Variants in RAB28 observed in about 807,000 individuals in gnomAD.
RAB28 encodes ras-related protein Rab-28.
A neutral mutation model predicts 31.7 loss-of-function variants in RAB28; 24 were observed. The ratio of observed to expected loss-of-function variants is 0.76; its 90% CI spans 0.55 to 1.06. RAB28 has a LOEUF of 1.06. RAB28 is among the 50% of genes least tolerant of loss of function. RAB28 has a pLI of 0.00. For synonymous variants in RAB28, 100 were observed against 90.4 expected (o/e 1.11, Z -0.60); for missense variants, 254 against 258.5 (o/e 0.98, Z 0.12).
At chr4:13,392,357 T>A (rs1227284571) in intron 4 of RAB28, among the ~76,000 whole-genome samples, 1 of 152,148 alleles carries the variant, frequency 6.6e-6, no homozygotes, top group East Asian at 1.9e-4. Flanking sequence ...AACAGTAAAA[T>A]TTTTTCATAT....
At chr4:13,375,932 A>G (rs1314455593) in intron 6 of RAB28, among the ~76,000 whole-genome samples, 4 of 152,140 alleles carry the variant, frequency 2.6e-5, no homozygotes, top group African/African-American at 9.7e-5. Flanking sequence ...TTGAGCAAAA[A>G]TGTAATTAGT....
intron 3 of RAB28, among the ~76,000 whole-genome samples, chr4:13,472,975 G>A (rs1257125569): frequency 5.3e-5 from 8 of 151,864 alleles, no homozygotes; most frequent in Non-Finnish European, 2.9e-5. Flanking sequence ...TTTTGCAGGA[G>A]ACTAAGAACA....
chr4:13,404,497 T>G (rs1160130133), intron 4 of RAB28, among the ~76,000 whole-genome samples: 2 of 152,132 alleles, frequency 1.3e-5, no homozygotes, highest in Non-Finnish European at 2.9e-5. Flanking sequence ...AATCTAAAAT[T>G]AAACACAAAA....
intron 4 of RAB28, among the ~76,000 whole-genome samples, chr4:13,460,155 T>G (rs931225774): frequency 6.6e-6 from 1 of 152,204 alleles, no homozygotes; most frequent in Non-Finnish European, 1.5e-5. Context: ...AATGTCTCAA[T>G]AAGTCCTCTG....
intron 4 of RAB28, among the ~76,000 whole-genome samples, chr4:13,391,487 G>C (rs1156247114): frequency 6.6e-6 from 1 of 152,196 alleles, no homozygotes; most frequent in African/African-American, 2.4e-5. Context: ...CATTGTGGAA[G>C]ACAGTATGGC....
At chr4:13,444,940 G>T (rs1295266660) in intron 4 of RAB28, among the ~76,000 whole-genome samples, 1 of 151,770 alleles carries the variant, frequency 6.6e-6, no homozygotes, top group African/African-American at 2.4e-5. Flanking sequence ...TGCTAGGTGG[G>T]GAAGGTCTCC....
chr4:13,445,415 T>C (rs767666566), intron 4 of RAB28, among the ~76,000 whole-genome samples: 6 of 152,094 alleles, frequency 3.9e-5, no homozygotes, highest in East Asian at 1.9e-4. Context: ...TGGAGAAGTG[T>C]TGCGATCATT....
rs189432879 is a variant in RAB28 at position 13,433,160 on chromosome 4, G to A, written c.391+27539C>T. Among the ~76,000 whole-genome samples the A allele has an allele frequency of 4.0e-3, 588 of 147,596 alleles. 10 individuals carry two copies. In the East Asian group the frequency reaches 0.04, roughly 10 times the overall value. ...AAAGAAAAAAAAAAAAGAAAAAAAA[G>A]AGCAGGGGTTGCTATTCTTTTATCA... On this transcript the variant is annotated intron_variant, in intron 4 of 6. Transcript: ENST00000330852.
chr4:13,427,487 G>T (rs1713569853), intron 4 of RAB28, among the ~76,000 whole-genome samples: 1 of 152,210 alleles, frequency 6.6e-6, no homozygotes, highest in Non-Finnish European at 1.5e-5. Flanking sequence ...AAAACAAGGA[G>T]AGTATGTATG....
At chr4:13,401,378 G>T (rs745955683) in intron 4 of RAB28, among the ~76,000 whole-genome samples, 1 of 152,120 alleles carries the variant, frequency 6.6e-6, no homozygotes, top group Non-Finnish European at 1.5e-5. Context: ...GGCCTGTTGC[G>T]GGGAGGGAGC....
intron 4 of RAB28, among the ~76,000 whole-genome samples, chr4:13,459,531 C>A (rs1039647198): frequency 1.9e-4 from 29 of 152,110 alleles, no homozygotes; most frequent in Non-Finnish European, 7.4e-5. Context: ...TAAGTCACTG[C>A]ATTGCAGAAC....
chr4:13,463,914 C>T (rs1715717196), intron 3 of RAB28, among the ~76,000 whole-genome samples: 1 of 152,050 alleles, frequency 6.6e-6, no homozygotes, highest in Admixed American at 6.6e-5. Context: ...AAAGTCATCA[C>T]TCCTGACCTT....
intron 4 of RAB28, among the ~76,000 whole-genome samples, chr4:13,412,255 G>C (rs1453035683): frequency 2.4e-5 from 1 of 41,616 alleles, no homozygotes; most frequent in Non-Finnish European, 7.0e-5. Flanking sequence ...CAGAACTTCT[G>C]AGATCCAGGT....
At chr4:13,459,740 A>T (rs2108959255) in intron 4 of RAB28, 1 of 1,047,736 alleles carries the variant, frequency 9.5e-7, no homozygotes, top group Non-Finnish European at 1.2e-6. Context: ...GAAGTTTATA[A>T]GAGACAGGAG....
intron 6 of RAB28, chr4:13,370,664 T>C (rs1728681588): frequency 1.0e-6 from 1 of 984,868 alleles, no homozygotes; most frequent in Non-Finnish European, 1.2e-6. Flanking sequence ...ATTTATTACT[T>C]GTCCAAGACT....
intron 4 of RAB28, among the ~76,000 whole-genome samples, chr4:13,393,855 CA>C (rs759509251): frequency 0.087 from 6,920 of 79,348 alleles, 177 homozygotes; most frequent in African/African-American, 0.2. Context: ...TCACAGGCTA[CA>C]AAAAAAAAAA....
intron 4 of RAB28, among the ~76,000 whole-genome samples, chr4:13,449,061 G>A (rs1004718443): frequency 2.0e-5 from 3 of 151,940 alleles, no homozygotes; most frequent in African/African-American, 7.2e-5. Context: ...GAATGTTTTA[G>A]CTTAAAATGT....
Position 13,479,158 on chromosome 4 carries a change from A to T in RAB28, c.172+272T>A, listed in dbSNP as rs542053839. ...ACTTAATTTTTTAAAAGCTTTTCAC[A>T]ATTTTATAAGCAACCATTGTTTATC... On this transcript the variant is annotated intron_variant, in intron 2 of 6. Coordinates refer to ENST00000330852, the MANE Select transcript of RAB28 (RefSeq NM_001017979.3). 4.0e-5 allele frequency among the ~76,000 whole-genome samples: 6 copies of T among 151,872 alleles called. No homozygotes were observed. The South Asian group carries it at 1.2e-3, about 31-fold the overall frequency.
intron 4 of RAB28, among the ~76,000 whole-genome samples, chr4:13,404,982 T>G (rs1711992028): frequency 6.6e-6 from 1 of 152,154 alleles, no homozygotes; most frequent in South Asian, 2.1e-4. Context: ...AAAACAGAAT[T>G]TAATAATCAC....
Sources: allele counts gnomAD v4.1 joint callset (sites outside exome capture counted in the v4.1 genomes callset), GRCh38; gene constraint gnomAD v4.1.1; transcripts MANE v1.5; gene names NCBI Gene and HGNC (gene_info 2026-07-23, HGNC 2026-07-21).